Variants in DHX40 observed in about 807,000 individuals in gnomAD.
The protein encoded by DHX40 is DEAH-box helicase 40.
A neutral mutation model predicts 89.6 loss-of-function variants in DHX40; 28 were observed. The observed-to-expected ratio is 0.31, with a 90% CI of 0.23 to 0.43. DHX40 has a LOEUF of 0.43. Among genes scored for constraint, DHX40 ranks in the 20% least tolerant of loss-of-function variants. DHX40 has a pLI of 1.00. For synonymous variants in DHX40, 226 were observed against 283.6 expected, an observed-to-expected ratio of 0.80 and a Z score of 2.04; for missense variants, 457 against 844.0, an observed-to-expected ratio of 0.54 and a Z score of 5.68.
At chr17:59,594,095 T>G (rs773620372) in intron 12 of DHX40, among the ~76,000 whole-genome samples, 2 of 152,160 alleles carry the variant, frequency 1.3e-5, no homozygotes, top group Non-Finnish European at 2.9e-5. Context: ...CCCTCTCTAT[T>G]TACTTCTCAG....
At position 59,566,643 on chromosome 17, in the gene DHX40, G is replaced by A. The variant is rs750016821; in HGVS notation, c.129G>A (p.Thr43=). 5.0e-6 allele frequency: 8 copies of A among 1,586,712 alleles called. No individual in the cohort carries two copies. The highest frequency in any genetic ancestry group is 6.8e-6 in the Non-Finnish European group (8 of 1,172,682). Reference sequence around the variant, plus strand: ...TTATTACAGAAGAGAAAGGATGCACGTCCCAGGAGGGAGGAACTACTCCAA... The same window carrying A: ...TTATTACAGAAGAGAAAGGATGCACATCCCAGGAGGGAGGAACTACTCCAA... The part of the protein sequence containing the change: ...CIADREEKGC[T]SQEGGTTPTF... The change falls in exon 2 of 18, where the codon ACG becomes ACA. Residue 43 remains threonine (T), a synonymous_variant. Coordinates refer to ENST00000251241, the MANE Select transcript of DHX40 (RefSeq NM_024612.5).
intron 14 of DHX40, among the ~76,000 whole-genome samples, chr17:59,602,233 C>G (rs895708195): frequency 6.6e-6 from 1 of 152,184 alleles, no homozygotes; most frequent in South Asian, 2.1e-4. Flanking sequence ...CTTTACTTCC[C>G]TGTACCTTGG....
intron 11 of DHX40, 35 bp from the exon 12 acceptor site, chr17:59,587,861 G>T: frequency 1.3e-6 from 2 of 1,572,888 alleles, no homozygotes; most frequent in Non-Finnish European, 1.7e-6. Flanking sequence ...CTCTCCTAGT[G>T]TAGAAAGACT....
Position 59,570,785 on chromosome 17 carries a change from G to A in DHX40, c.426+122G>A, listed in dbSNP as rs1400001252. ...TGTAGCCTCTACCTTCTGGGCTCAAGTGATCTCCTACCTCAGCCCCTTGGG... is the reference window on the plus strand; with the variant it reads ...TGTAGCCTCTACCTTCTGGGCTCAAATGATCTCCTACCTCAGCCCCTTGGG... On this transcript the variant is annotated intron_variant, in intron 3 of 17. Transcript: ENST00000251241. 1.8e-5 allele frequency: 18 copies of A among 993,528 alleles called. No individual in the cohort carries two copies. The South Asian group carries it at 3.8e-4, about 21-fold the overall frequency. 61.5% of individuals were successfully genotyped at this position (993,528 alleles called of 1,614,324 possible). A position where few individuals can be genotyped will look rare whatever the true frequency, so the allele number is the denominator to read the frequency against.
intron 12 of DHX40, among the ~76,000 whole-genome samples, chr17:59,596,322 T>C (rs532308074): frequency 8.9e-4 from 135 of 152,356 alleles, no homozygotes; most frequent in African/African-American, 3.1e-3. Context: ...ATCCCAGCAC[T>C]CTGGGAGGCC....
At chr17:59,605,738 T>A (rs1293786968) in intron 17 of DHX40, 64 bp downstream of exon 17, 6 of 1,449,344 alleles carry the variant, frequency 4.1e-6, no homozygotes, top group Non-Finnish European at 4.7e-6. Context: ...AGTACTTCAC[T>A]ATTTTTGTTT....
At chr17:59,601,196 G>A (rs899861720) in intron 14 of DHX40, among the ~76,000 whole-genome samples, 16 of 151,774 alleles carry the variant, frequency 1.1e-4, no homozygotes, top group African/African-American at 3.9e-4. Context: ...TGTAGTGTCA[G>A]TTACTCAGCA....
At chr17:59,601,690 C>CAT (rs1329831112) in intron 14 of DHX40, among the ~76,000 whole-genome samples, 2 of 152,118 alleles carry the variant, frequency 1.3e-5, no homozygotes, top group East Asian at 3.8e-4. Context: ...TTCTTTACAT[C>CAT]ATACCTGATA....
chr17:59,593,790 T>A (rs1269881738), intron 12 of DHX40, among the ~76,000 whole-genome samples: 1 of 151,156 alleles, frequency 6.6e-6, no homozygotes, highest in Non-Finnish European at 1.5e-5. Flanking sequence ...CCCCTTGTCT[T>A]AAATTAAAAA....
At chr17:59,567,770 GAAAA>G (rs964310203) in intron 2 of DHX40, among the ~76,000 whole-genome samples, 3 of 142,698 alleles carry the variant, frequency 2.1e-5, no homozygotes, top group African/African-American at 7.7e-5. Flanking sequence ...ACTAAAAATA[GAAAA>G]AAAAAAAATT....
intron 2 of DHX40, 110 bp downstream of exon 2, chr17:59,566,904 GCTTCT>G (rs1256598218): frequency 2.2e-6 from 2 of 892,834 alleles, no homozygotes; most frequent in African/African-American, 3.6e-5. Flanking sequence ...TTATAGTCCC[GCTTCT>G]CTTGGCACAC....
chr17:59,606,421 G>A (rs970303451), intron 17 of DHX40, among the ~76,000 whole-genome samples: 7 of 152,200 alleles, frequency 4.6e-5, no homozygotes, highest in African/African-American at 1.4e-4. Flanking sequence ...GAGTTTTGCC[G>A]AATAAATCAT....
intron 17 of DHX40, chr17:59,605,958 C>T (rs2030820073): frequency 2.4e-6 from 1 of 422,740 alleles, no homozygotes; most frequent in Admixed American, 3.7e-5. Flanking sequence ...CAGAGTGAGA[C>T]ACTATCTCTA....
chr17:59,571,916 G>C (rs1048861361), intron 3 of DHX40, among the ~76,000 whole-genome samples: 1 of 151,976 alleles, frequency 6.6e-6, no homozygotes, highest in Admixed American at 6.6e-5. Context: ...CCTACTCCGG[G>C]TACCTCATTC....
At chr17:59,588,965 T>C (rs1254909456) in intron 12 of DHX40, among the ~76,000 whole-genome samples, 1 of 152,154 alleles carries the variant, frequency 6.6e-6, no homozygotes, top group African/African-American at 2.4e-5. Context: ...ATGCCTTCGC[T>C]TCTTTGTTAA....
rs1353412769 is a variant in DHX40, at chr17:59,605,360, GA to G, written c.1972-85del. 4.3e-6 allele frequency: 6 copies of G among 1,406,516 alleles called. No individual in the cohort carries two copies. In the Admixed American group the frequency reaches 1.2e-4, roughly 28 times the overall value. 87.1% of individuals were successfully genotyped at this position (1,406,516 alleles called of 1,614,324 possible). A position where few individuals can be genotyped will look rare whatever the true frequency, so the allele number is the denominator to read the frequency against. On this transcript the variant is annotated intron_variant, in intron 16 of 17. Coordinates refer to ENST00000251241, the MANE Select transcript of DHX40 (RefSeq NM_024612.5). The stretch of plus-strand genomic sequence containing the variant: ...TGTTTGAAGAAGATAGGAATTAATT[GA>G]GAAGGATTTGGACTATTTGGTTGGT...
chr17:59,598,327 AAAT>A (rs1436103940), intron 12 of DHX40, among the ~76,000 whole-genome samples: 2 of 152,162 alleles, frequency 1.3e-5, no homozygotes, highest in African/African-American at 4.8e-5. Flanking sequence ...GACACACACT[AAAT>A]AATGAACAGT....
At chr17:59,586,795 TAA>T (rs2049004101) in intron 11 of DHX40, among the ~76,000 whole-genome samples, 1 of 152,168 alleles carries the variant, frequency 6.6e-6, no homozygotes, top group Non-Finnish European at 1.5e-5. Flanking sequence ...ATAAAAATGA[TAA>T]GAGAGCCAGA....
chr17:59,587,112 C>T (rs565095604), intron 11 of DHX40, among the ~76,000 whole-genome samples: 18 of 149,300 alleles, frequency 1.2e-4, no homozygotes, highest in African/African-American at 3.5e-4. Flanking sequence ...GAGGAGATTG[C>T]GCCATTGCAC....
Sources: allele counts gnomAD v4.1 joint callset (sites outside exome capture counted in the v4.1 genomes callset), GRCh38; gene constraint gnomAD v4.1.1; transcripts MANE v1.5; gene names NCBI Gene and HGNC (gene_info 2026-07-23, HGNC 2026-07-21).